Variants in SLC30A7 observed in about 807,000 individuals in gnomAD.
SLC30A7 encodes the protein solute carrier family 30 member 7.
In SLC30A7, 35 loss-of-function variants were observed where a neutral mutation model predicts 46.0. That is an observed-to-expected ratio of 0.76 (90% CI 0.58 to 1.01). SLC30A7 has a LOEUF of 1.01. Among genes scored for constraint, SLC30A7 ranks in the 50% least tolerant of loss-of-function variants. The pLI is 0.00. For missense variants in SLC30A7, 464 were observed against 451.1 expected (o/e 1.03, Z -0.26); for synonymous variants, 147 against 157.8 (o/e 0.93, Z 0.51).
At chr1:100,982,073 G>C (rs1198209519), downstream of SLC30A7, among the ~76,000 whole-genome samples, 2 of 152,114 alleles carry the variant, frequency 1.3e-5, no homozygotes, top group Admixed American at 6.5e-5. Flanking sequence ...CTTATATGAC[G>C]TGAAGACCAA....
At chr1:100,988,109 C>G in the SLC30A7 span, among the ~76,000 whole-genome samples, 1 of 152,072 alleles carries the variant, frequency 6.6e-6, no homozygotes, top group Non-Finnish European at 1.5e-5. Context: ...TGAGAGTTAG[C>G]TAAGGATTTA....
chr1:100,917,967 C>A, intron 6 of SLC30A7, 110 bp from the exon 7 acceptor site: 2 of 753,648 alleles, frequency 2.7e-6, no homozygotes, highest in Non-Finnish European at 2.2e-6. Flanking sequence ...TTTGATATGG[C>A]TATATAGCCA....
Position 100,911,133 on chromosome 1 carries a change from T to G in SLC30A7, c.367T>G (p.Phe123Val), listed in dbSNP as rs1652065306. 1 of 1,610,298 alleles carries G rather than the reference T, an allele frequency of 6.2e-7. No individual in the cohort carries two copies. Among genetic ancestry groups the G allele is most frequent in the African/African-American group, 1.3e-5 (1 of 74,886 alleles). ...LFLIFTAFFI[F>V]SEGVERALAP... is the part of the protein sequence containing the mutation. ...TTTGATCTTCACTGCTTTTTTTATT[T>G]TCTCAGAAGGAGTTGAGGTATAGTA... The change falls in exon 4 of 11, where the codon TTC (phenylalanine) becomes GTC (valine). Residue 123 changes from phenylalanine to valine, a missense_variant. Transcript: ENST00000357650.
At chr1:100,900,735 C>A (rs1651254317) in intron 2 of SLC30A7, among the ~76,000 whole-genome samples, 1 of 151,940 alleles carries the variant, frequency 6.6e-6, no homozygotes, top group Non-Finnish European at 1.5e-5. Flanking sequence ...TTCTAATTTC[C>A]TGATAATAAA....
At chr1:100,958,589 C>T (rs139482722) in intron 8 of SLC30A7, among the ~76,000 whole-genome samples, 3 of 152,256 alleles carry the variant, frequency 2.0e-5, no homozygotes, top group East Asian at 1.9e-4. Flanking sequence ...CTTACTGTGA[C>T]TTTACTTTCT....
chr1:100,957,787 A>G (rs1382283377), intron 8 of SLC30A7, among the ~76,000 whole-genome samples: 1 of 152,168 alleles, frequency 6.6e-6, no homozygotes. Flanking sequence ...TTTTGTGCCC[A>G]TTTTCTGAGT....
chr1:100,917,565 T>G (rs1165590508), intron 6 of SLC30A7, among the ~76,000 whole-genome samples: 1 of 152,188 alleles, frequency 6.6e-6, no homozygotes, highest in Middle Eastern at 3.2e-3. Flanking sequence ...TGTTTAGAGA[T>G]AGAAATTATA....
At chr1:100,905,438 T>C (rs1196705046) in intron 2 of SLC30A7, among the ~76,000 whole-genome samples, 2 of 152,120 alleles carry the variant, frequency 1.3e-5, no homozygotes, top group Non-Finnish European at 1.5e-5. Context: ...TTATTTTCTT[T>C]TATGAATTTC....
At chr1:100,910,965 A>G (rs1652049751) in intron 3 of SLC30A7, 98 bp from the exon 4 acceptor site, 8 of 923,672 alleles carry the variant, frequency 8.7e-6, no homozygotes, top group Non-Finnish European at 1.4e-5. Context: ...ACTTATAACC[A>G]TGTAATATGG....
chr1:100,905,164 CTAT>C (rs1557974029), intron 2 of SLC30A7, among the ~76,000 whole-genome samples: 1 of 152,004 alleles, frequency 6.6e-6, no homozygotes, highest in African/African-American at 2.4e-5. Flanking sequence ...ATTCTGTGTG[CTAT>C]TATTGTCATA....
At chr1:100,986,291 C>T (rs761876868), downstream of SLC30A7, among the ~76,000 whole-genome samples, 5 of 152,082 alleles carry the variant, frequency 3.3e-5, no homozygotes, top group Non-Finnish European at 5.9e-5. Context: ...TGCCTGTAAT[C>T]CCAGCTACTC....
At chr1:100,946,545 T>C (rs1315396756) in intron 8 of SLC30A7, among the ~76,000 whole-genome samples, 1 of 152,216 alleles carries the variant, frequency 6.6e-6, no homozygotes, top group Non-Finnish European at 1.5e-5. Flanking sequence ...GAGATAATCA[T>C]GTGGTTTTTG....
intron 8 of SLC30A7, among the ~76,000 whole-genome samples, chr1:100,949,269 A>G (rs2101068012): frequency 6.6e-6 from 1 of 152,278 alleles, no homozygotes; most frequent in African/African-American, 2.4e-5. Flanking sequence ...CAGGTCCCTC[A>G]GCTTCAGGTC....
chr1:100,975,835 T>G lies in SLC30A7; in HGVS notation c.*978T>G, dbSNP rs1251112873. The stretch of plus-strand genomic sequence containing the variant: ...GCCACCACGCCCGGCTATGTTTTTT[T>G]TTTTTTTTTTTTTTTTTTTTAACAA... On this transcript the variant is annotated 3_prime_UTR_variant, in exon 11 of 11. Coordinates refer to ENST00000357650, the MANE Select transcript of SLC30A7 (RefSeq NM_133496.5). 6.7e-6 allele frequency: 1 copy of G among 149,514 alleles called. No homozygotes were observed. The highest frequency in any genetic ancestry group is 2.1e-4 in the South Asian group (1 of 4,738). The allele number at this position is 149,514 out of a possible 1,614,324, so 9.3% of individuals were successfully genotyped here. A position where few individuals can be genotyped will look rare whatever the true frequency, so the allele number is the denominator to read the frequency against.
intron 4 of SLC30A7, 22 bp from the exon 5 acceptor site, chr1:100,912,090 G>A: frequency 1.2e-6 from 2 of 1,603,752 alleles, no homozygotes; most frequent in South Asian, 1.1e-5. Context: ...TATGCTATTT[G>A]TTTGTATTAT....
chr1:100,910,403 CA>C (rs1259031071), intron 3 of SLC30A7, among the ~76,000 whole-genome samples: 3 of 151,988 alleles, frequency 2.0e-5, no homozygotes, highest in Non-Finnish European at 4.4e-5. Context: ...CTCAATGGAA[CA>C]AAAGACAGGT....
intron 2 of SLC30A7, among the ~76,000 whole-genome samples, chr1:100,900,181 G>T (rs1035066022): frequency 6.6e-6 from 1 of 152,110 alleles, no homozygotes; most frequent in Admixed American, 6.5e-5. Context: ...TATAGTTTCT[G>T]TGTTTTTATG....
Position 100,979,442 on chromosome 1 carries a change from A to C in SLC30A7, c.*4585A>C, listed in dbSNP as rs1317808651. 8.9e-6 allele frequency: 1 copy of C among 111,930 alleles called. No individual in the cohort carries two copies. The highest frequency in any genetic ancestry group is 1.9e-5 in the Non-Finnish European group (1 of 52,252). 6.9% of individuals were successfully genotyped at this position (111,930 alleles called of 1,614,324 possible). A position where few individuals can be genotyped will look rare whatever the true frequency, so the allele number is the denominator to read the frequency against. ...CAGTGAAAGATTATGTATCCAAAAA[A>C]AAAAAAAAAAAAAAAAGAAAAGGAG... On this transcript the variant is annotated 3_prime_UTR_variant, in exon 11 of 11. Coordinates refer to ENST00000357650, the MANE Select transcript of SLC30A7 (RefSeq NM_133496.5).
intron 6 of SLC30A7, among the ~76,000 whole-genome samples, chr1:100,916,193 T>G (rs1652532264): frequency 6.6e-6 from 1 of 152,038 alleles, no homozygotes; most frequent in Non-Finnish European, 1.5e-5. Flanking sequence ...ATTTATTTAT[T>G]TATTTATTTT....
Sources: gnomAD v4.1 joint callset for allele counts (sites outside exome capture counted in the v4.1 genomes callset) on GRCh38, gnomAD v4.1.1 for gene constraint, MANE v1.5 for transcripts, NCBI Gene and HGNC (gene_info 2026-07-23, HGNC 2026-07-21) for gene names.